CPED1: variants seen among roughly 807,000 people sequenced by gnomAD.
CPED1 encodes the protein cadherin like and PC-esterase domain containing 1, also known as cadherin-like and PC-esterase domain-containing protein 1.
Under a neutral mutation model 128.2 loss-of-function variants are expected in CPED1, and 114 were observed. That is an observed-to-expected ratio of 0.89 (90% CI 0.76 to 1.04). CPED1 has a LOEUF of 1.04. Ranked by LOEUF, CPED1 falls within the 50% of genes least tolerant of loss-of-function variation. The pLI is 0.00. For missense variants in CPED1, 1,211 were observed against 1,207.1 expected (o/e 1.00, Z -0.05); for synonymous variants, 462 against 426.7 (o/e 1.08, Z -1.02).
At chr7:121,158,975 A>G (rs983590789) in intron 16 of CPED1, among the ~76,000 whole-genome samples, 1 of 152,212 alleles carries the variant, frequency 6.6e-6, no homozygotes, top group African/African-American at 2.4e-5. Flanking sequence ...ACTTTTAACC[A>G]TAACAATAAT....
In CPED1 at chr7:121,297,418, T is replaced by C. The variant is rs1199367075; in HGVS notation, c.*1766T>C. 2 of 152,134 alleles carry C rather than the reference T, an allele frequency of 1.3e-5. No homozygotes were observed. Among genetic ancestry groups the C allele is most frequent in the Non-Finnish European group, 1.5e-5 (1 of 67,988 alleles). The allele number at this position is 152,134 out of a possible 1,614,324, so 9.4% of individuals were successfully genotyped here. A position where few individuals can be genotyped will look rare whatever the true frequency, so the allele number is the denominator to read the frequency against. On this transcript the variant is annotated 3_prime_UTR_variant, in exon 23 of 23. Coordinates refer to ENST00000310396, the MANE Select transcript of CPED1 (RefSeq NM_024913.5). ...GATTTTAGAAACAATTGTAATAATATCATTAATAAATGTCTTACTAGTAAT... is the reference window on the plus strand; with the variant it reads ...GATTTTAGAAACAATTGTAATAATACCATTAATAAATGTCTTACTAGTAAT...
intron 16 of CPED1, among the ~76,000 whole-genome samples, chr7:121,195,996 T>C (rs1365588861): frequency 6.6e-6 from 1 of 152,042 alleles, no homozygotes; most frequent in African/African-American, 2.4e-5. Flanking sequence ...GCCGCTTTCC[T>C]AGAAGGCCGG....
intron 3 of CPED1, among the ~76,000 whole-genome samples, chr7:121,025,254 T>C (rs1361767371): frequency 6.6e-6 from 1 of 152,134 alleles, no homozygotes; most frequent in Non-Finnish European, 1.5e-5. Context: ...GTAGAAATTT[T>C]TTCTTAGCAA....
chr7:121,126,420 A>G (rs1795505567), intron 9 of CPED1, among the ~76,000 whole-genome samples: 1 of 152,026 alleles, frequency 6.6e-6, no homozygotes, highest in Non-Finnish European at 1.5e-5. Flanking sequence ...CATTCATATT[A>G]TCTCCCCCAA....
intron 22 of CPED1, among the ~76,000 whole-genome samples, chr7:121,282,451 G>A (rs1379950462): frequency 2.0e-5 from 3 of 152,270 alleles, no homozygotes; most frequent in African/African-American, 2.4e-5. Context: ...GAGATCAAAG[G>A]AAAGGAGCAA....
chr7:121,175,554 T>C (rs546363718), intron 16 of CPED1, among the ~76,000 whole-genome samples: 2 of 152,184 alleles, frequency 1.3e-5, no homozygotes, highest in Non-Finnish European at 2.9e-5. Context: ...GGCTTTCAAA[T>C]GTAGGTAGTT....
At chr7:121,283,478 T>G (rs552165879) in intron 22 of CPED1, among the ~76,000 whole-genome samples, 1 of 152,222 alleles carries the variant, frequency 6.6e-6, no homozygotes, top group African/African-American at 2.4e-5. Context: ...GAGCATGCAA[T>G]GCATTCCAGC....
At chr7:121,177,347 T>A (rs1167804617) in intron 16 of CPED1, among the ~76,000 whole-genome samples, 1 of 151,980 alleles carries the variant, frequency 6.6e-6, no homozygotes, top group East Asian at 1.9e-4. Flanking sequence ...GCTTAGTTGA[T>A]ATTAGTTCTG....
At chr7:121,017,783 A>G (rs1194066856) in intron 3 of CPED1, among the ~76,000 whole-genome samples, 1 of 152,168 alleles carries the variant, frequency 6.6e-6, no homozygotes, top group African/African-American at 2.4e-5. Context: ...AAGGAGAATT[A>G]CTCTGCAGCT....
chr7:121,066,012 A>T (rs1793823039), intron 5 of CPED1, among the ~76,000 whole-genome samples: 3 of 152,112 alleles, frequency 2.0e-5, no homozygotes, highest in Admixed American at 6.6e-5. Flanking sequence ...TTTGTTGTAG[A>T]CTGTTGGTAT....
chr7:121,110,078 C>CAGTAAGAA (rs1159866548), intron 7 of CPED1, among the ~76,000 whole-genome samples: 1 of 152,140 alleles, frequency 6.6e-6, no homozygotes, highest in Non-Finnish European at 1.5e-5. Context: ...GATCGGTGTG[C>CAGTAAGAA]AGTAAGAAAG....
chr7:121,282,353 A>G (rs1353210036), intron 22 of CPED1, among the ~76,000 whole-genome samples: 1 of 152,158 alleles, frequency 6.6e-6, no homozygotes, highest in Non-Finnish European at 1.5e-5. Context: ...TCAAAGTCAC[A>G]TTCCAGTCGA....
At chr7:121,031,856 T>C (rs1792743226) in intron 3 of CPED1, among the ~76,000 whole-genome samples, 1 of 152,186 alleles carries the variant, frequency 6.6e-6, no homozygotes, top group African/African-American at 2.4e-5. Flanking sequence ...ACACAGTTCA[T>C]AGAAAAGCAA....
At chr7:121,103,474 A>G (rs1235839765) in intron 7 of CPED1, among the ~76,000 whole-genome samples, 1 of 152,172 alleles carries the variant, frequency 6.6e-6, no homozygotes, top group Non-Finnish European at 1.5e-5. Context: ...GTTAAAACAA[A>G]TAGATTATAA....
intron 16 of CPED1, among the ~76,000 whole-genome samples, chr7:121,209,101 T>C (rs988857938): frequency 2.0e-5 from 3 of 152,040 alleles, no homozygotes; most frequent in African/African-American, 7.2e-5. Flanking sequence ...ATTTTGTTTA[T>C]AATTTTAAGA....
intron 7 of CPED1, among the ~76,000 whole-genome samples, chr7:121,111,811 A>C (rs1795118536): frequency 6.6e-6 from 1 of 152,248 alleles, no homozygotes; most frequent in Non-Finnish European, 1.5e-5. Context: ...AAATGAAGAC[A>C]AAATTTAAAC....
At chr7:121,230,312 G>A (rs1481953166) in intron 16 of CPED1, among the ~76,000 whole-genome samples, 1 of 152,036 alleles carries the variant, frequency 6.6e-6, no homozygotes, top group Non-Finnish European at 1.5e-5. Context: ...GAAATGTCTG[G>A]CTTGGGCACC....
chr7:121,278,582 T>C (rs1016614471), intron 22 of CPED1, among the ~76,000 whole-genome samples: 4 of 152,180 alleles, frequency 2.6e-5, no homozygotes, highest in African/African-American at 9.7e-5. Flanking sequence ...AACAGTTCTT[T>C]CTGTGTAAAA....
At chr7:121,185,888 G>A (rs17143194) in intron 16 of CPED1, among the ~76,000 whole-genome samples, 14,489 of 152,204 alleles carry the variant, frequency 0.095, 857 homozygotes, top group South Asian at 0.17. Context: ...AGGAAGCAAC[G>A]TGCTGGGAAG....
Sources: allele counts gnomAD v4.1 joint callset (sites outside exome capture counted in the v4.1 genomes callset), GRCh38; gene constraint gnomAD v4.1.1; transcripts MANE v1.5; gene names NCBI Gene and HGNC (gene_info 2026-07-23, HGNC 2026-07-21).